The following COPA variants were observed in gnomAD, a reference collection of about 807,000 sequenced individuals.
COPA encodes the protein coat protein complex I subunit alpha.
A neutral mutation model predicts 158.7 loss-of-function variants in COPA; 10 were observed. That is an observed-to-expected ratio of 0.06 (90% CI 0.04 to 0.11). The LOEUF is 0.11. Ranked by LOEUF, COPA falls within the 10% of genes least tolerant of loss-of-function variation. The probability of loss-of-function intolerance (pLI) is 1.00; values close to 1 mark genes in which losing one functional copy is unlikely to be tolerated. For missense variants in COPA, 1,065 were observed against 1,536.7 expected (o/e 0.69, Z 5.13); for synonymous variants, 462 against 542.8 (o/e 0.85, Z 2.07).
At chr1:160,302,863 A>G (rs1297629467) in intron 17 of COPA, among the ~76,000 whole-genome samples, 13 of 151,958 alleles carry the variant, frequency 8.6e-5, no homozygotes, top group Non-Finnish European at 1.5e-5. Context: ...CCGGAATTTC[A>G]CAAGTTACTT....
intron 13 of COPA, among the ~76,000 whole-genome samples, chr1:160,308,617 A>AG (rs1424860038): frequency 3.3e-5 from 5 of 152,238 alleles, no homozygotes; most frequent in African/African-American, 1.2e-4. Context: ...TGGAAGAGGT[A>AG]GGCAGGAGTC....
rs189765395 is a variant in COPA, at chr1:160,343,248, G to C, written c.-78C>G. 2.5e-6 allele frequency: 4 copies of C among 1,597,136 alleles called. No individual in the cohort carries two copies. Among genetic ancestry groups the C allele is most frequent in the African/African-American group, 2.7e-5 (2 of 74,538 alleles). On this transcript the variant is annotated 5_prime_UTR_variant, in exon 1 of 33. Transcript: ENST00000241704. Reference sequence around the variant, plus strand: ...GCCCTTCGGACGCCTCCACGTCAGCGACCCTCTCCCGCGGTTTCCGGAAGC... The same window carrying C: ...GCCCTTCGGACGCCTCCACGTCAGCCACCCTCTCCCGCGGTTTCCGGAAGC...
intron 6 of COPA, among the ~76,000 whole-genome samples, chr1:160,327,456 G>A (rs1448025686): frequency 2.3e-5 from 3 of 132,298 alleles, no homozygotes; most frequent in Non-Finnish European, 4.8e-5. Flanking sequence ...GGAATTGCTT[G>A]AACCCGGGGG....
intron 8 of COPA, among the ~76,000 whole-genome samples, chr1:160,320,629 A>AAAAAAAC (rs1659301244): frequency 6.7e-6 from 1 of 149,616 alleles, no homozygotes; most frequent in Admixed American, 6.7e-5. Context: ...AAAAAAAAAA[A>AAAAAAAC]AAAGATTGAA....
chr1:160,293,300 T>G, intron 26 of COPA, 66 bp from the exon 27 acceptor site: 13 of 1,610,538 alleles, frequency 8.1e-6, no homozygotes, highest in Non-Finnish European at 1.1e-5. Context: ...CCTCTGTAAC[T>G]ATAGTAGAAA....
At chr1:160,317,092 G>A (rs1659172862) in intron 8 of COPA, among the ~76,000 whole-genome samples, 1 of 149,778 alleles carries the variant, frequency 6.7e-6, no homozygotes, top group Non-Finnish European at 1.5e-5. Flanking sequence ...TTTTCCAAGT[G>A]CTCAAAGAAA....
At chr1:160,323,741 A>G (rs976654124) in intron 7 of COPA, among the ~76,000 whole-genome samples, 3 of 152,286 alleles carry the variant, frequency 2.0e-5, no homozygotes, top group Middle Eastern at 3.4e-3. Flanking sequence ...TTCCAAATAC[A>G]TATTTCTAAC....
rs769012841 is a variant in COPA, at chr1:160,292,541, G to T, written c.2903C>A (p.Thr968Lys). The T allele has an allele frequency of 6.2e-7, 1 of 1,613,942 alleles. No individual in the cohort carries two copies. The highest frequency in any genetic ancestry group is 8.5e-7 in the Non-Finnish European group (1 of 1,179,978). Reference protein sequence around the residue: ...LFLQTYARGRTTYQALPCLPS... With the variant: ...LFLQTYARGRKTYQALPCLPS... ...TAGGCAGGGCAGAGCCTGATAGGTTGTGCGGCCTCGGGCGTATGTCTGTAG... is the reference window on the plus strand; with the variant it reads ...TAGGCAGGGCAGAGCCTGATAGGTTTTGCGGCCTCGGGCGTATGTCTGTAG... Residue 968 changes from threonine (T) to lysine (K), a missense_variant, in exon 28 of 33, where the codon ACA (threonine) becomes AAA (lysine). Coordinates refer to ENST00000241704, the MANE Select transcript of COPA (RefSeq NM_004371.4).
rs191048930 is a variant in COPA at position 160,304,456 on chromosome 1, G to C, written c.1667+977C>G. Among the ~76,000 whole-genome samples the C allele has an allele frequency of 5.2e-4, 79 of 151,972 alleles. 1 individual carries two copies. The highest frequency in any genetic ancestry group is 1.8e-3 in the African/African-American group (76 of 41,510). On this transcript the variant is annotated intron_variant, in intron 17 of 32. Transcript: ENST00000241704. The stretch of plus-strand genomic sequence containing the variant: ...CAAGGTGGGCAGATCACAAGGTCAA[G>C]AGCTCAAAACCAGCCTGGCCAACAT...
chr1:160,333,340 A>C, intron 5 of COPA: 1 of 350,138 alleles, frequency 2.9e-6, no homozygotes, highest in Non-Finnish European at 5.2e-6. Context: ...ATGGGAAAAT[A>C]ATTGAAAACC....
At chr1:160,325,046 C>T (rs1421587279) in intron 7 of COPA, among the ~76,000 whole-genome samples, 1 of 151,586 alleles carries the variant, frequency 6.6e-6, no homozygotes, top group East Asian at 1.9e-4. Flanking sequence ...TTTTGGTAGA[C>T]CACTTAATTT....
intron 1 of COPA, among the ~76,000 whole-genome samples, chr1:160,342,456 G>T (rs1020007391): frequency 2.6e-5 from 4 of 152,064 alleles, no homozygotes; most frequent in Non-Finnish European, 5.9e-5. Context: ...GCCGTACTTA[G>T]CAAATAAAAA....
intron 5 of COPA, 190 bp downstream of exon 5, chr1:160,333,413 G>GA (rs146161757): frequency 0.014 from 6,346 of 464,456 alleles, 338 homozygotes; most frequent in African/African-American, 0.11. Context: ...ATTATTGGAA[G>GA]TCCAGATTCA....
At chr1:160,292,454 C>T in intron 28 of COPA, 30 bp downstream of exon 28, 1 of 1,612,614 alleles carries the variant, frequency 6.2e-7, no homozygotes, top group South Asian at 1.1e-5. Context: ...CAACTTGGAA[C>T]AGATGAAAGC....
Position 160,311,871 on chromosome 1 carries a change from C to T in COPA, c.1073G>A (p.Arg358Gln), listed in dbSNP as rs769060273. 3.7e-6 allele frequency: 6 copies of T among 1,611,442 alleles called. No homozygotes were observed. Among genetic ancestry groups the T allele is most frequent in the Non-Finnish European group, 4.2e-6 (5 of 1,178,332 alleles). Residue 358 changes from arginine (R) to glutamine (Q), a missense_variant, in exon 11 of 33, where the codon CGG becomes CAG. This residue lies in a region of COPA where 980 missense variants were observed against 1,357.8 expected (regional missense o/e 0.72). Coordinates refer to ENST00000241704, the MANE Select transcript of COPA (RefSeq NM_004371.4). ...GAAAGAAACAAGTCCGATTTACCTCCGCAACTGCATCACAGCTACATCTTT... is the reference window on the plus strand; with the variant it reads ...GAAAGAAACAAGTCCGATTTACCTCTGCAACTGCATCACAGCTACATCTTT... ...SSKDVAVMQL[R>Q]SGSKFPVFNM...
intron 14 of COPA, among the ~76,000 whole-genome samples, chr1:160,306,714 T>C (rs961205187): frequency 2.0e-5 from 3 of 152,170 alleles, no homozygotes; most frequent in Non-Finnish European, 4.4e-5. Context: ...TCCTGAGAAG[T>C]CCCAACTAAA....
At chr1:160,341,598 T>C (rs1339937945) in intron 1 of COPA, among the ~76,000 whole-genome samples, 2 of 152,228 alleles carry the variant, frequency 1.3e-5, no homozygotes, top group African/African-American at 2.4e-5. Context: ...TGTATCAATA[T>C]ACAGTCTCAT....
At chr1:160,325,692 A>G in intron 6 of COPA, 40 bp from the exon 7 acceptor site, 1 of 1,429,036 alleles carries the variant, frequency 7.0e-7, no homozygotes, top group Non-Finnish European at 9.9e-7. Context: ...ATGTAAACAT[A>G]ATATTATCTA....
chr1:160,305,311 A>G, intron 17 of COPA, 122 bp downstream of exon 17: 1 of 948,882 alleles, frequency 1.1e-6, no homozygotes, highest in South Asian at 1.6e-5. Flanking sequence ...CCTTGCACAT[A>G]TATGCCAGGT....
Sources: allele counts gnomAD v4.1 joint callset (sites outside exome capture counted in the v4.1 genomes callset), GRCh38; gene constraint gnomAD v4.1.1; regional missense constraint gnomAD v4.1.1; transcripts MANE v1.5; gene names NCBI Gene and HGNC (gene_info 2026-07-23, HGNC 2026-07-21).